Variants in AGMO observed in about 807,000 individuals in gnomAD.
AGMO encodes alkylglycerol monooxygenase, also known as glyceryl-ether monooxygenase.
In AGMO, 75 loss-of-function variants were observed where a neutral mutation model predicts 60.2. The observed-to-expected ratio is 1.25, with a 90% CI of 1.03 to 1.51. The LOEUF is 1.51. AGMO is among the 40% of genes most tolerant of loss of function. AGMO has a pLI of 0.00. For synonymous variants in AGMO, 261 were observed against 177.1 expected, an observed-to-expected ratio of 1.47 and a Z score of -3.76; for missense variants, 763 against 525.5, an observed-to-expected ratio of 1.45 and a Z score of -4.42.
chr7:15,148,555 T>C, the AGMO span, among the ~76,000 whole-genome samples: 2 of 152,180 alleles, frequency 1.3e-5, no homozygotes, highest in East Asian at 3.9e-4. Context: ...CAAGGTTTAG[T>C]TCCCACTTAT....
chr7:15,267,964 TTC>T (rs1283292035), intron 12 of AGMO, among the ~76,000 whole-genome samples: 2 of 151,916 alleles, frequency 1.3e-5, no homozygotes, highest in Non-Finnish European at 2.9e-5. Context: ...TAAATTAAAT[TTC>T]TTTGTTATCC....
chr7:15,370,359 A>AC (rs1783158808), intron 10 of AGMO, among the ~76,000 whole-genome samples: 2 of 152,226 alleles, frequency 1.3e-5, no homozygotes, highest in Non-Finnish European at 2.9e-5. Context: ...TGCTGCGATG[A>AC]ACATGAGTGC....
the AGMO span, among the ~76,000 whole-genome samples, chr7:15,159,378 T>C: frequency 1.2e-4 from 18 of 152,132 alleles, no homozygotes; most frequent in African/African-American, 3.4e-4. Context: ...AGTGCAGAGA[T>C]TGATTGCTTT....
chr7:15,541,100 T>A (rs1359774083), intron 3 of AGMO, among the ~76,000 whole-genome samples: 2 of 152,132 alleles, frequency 1.3e-5, no homozygotes, highest in Non-Finnish European at 2.9e-5. Context: ...GCCAGTTGTT[T>A]TTTTGTTTGT....
Position 15,263,184 on chromosome 7 carries a change from A to G in AGMO, c.1264-61825T>C, listed in dbSNP as rs145379571. 1.6e-4 allele frequency among the ~76,000 whole-genome samples: 24 copies of G among 152,266 alleles called. No homozygotes were observed. The East Asian group carries it at 4.6e-3, about 29-fold the overall frequency. On this transcript the variant is annotated intron_variant, in intron 12 of 12. Transcript: ENST00000342526. ...AAAATCTTCACAATCCATACACCTG[A>G]CAAAGATTTAATATCCAGAATCTAC...
intron 12 of AGMO, among the ~76,000 whole-genome samples, chr7:15,317,582 T>C (rs1175767110): frequency 6.6e-6 from 1 of 152,086 alleles, no homozygotes; most frequent in Non-Finnish European, 1.5e-5. Context: ...TTAAACACCT[T>C]TTAAATCCCC....
At chr7:15,498,775 T>C (rs1339330389) in intron 3 of AGMO, among the ~76,000 whole-genome samples, 1 of 151,994 alleles carries the variant, frequency 6.6e-6, no homozygotes, top group Non-Finnish European at 1.5e-5. Flanking sequence ...TTCTGTTTTA[T>C]TGTGTTTTCA....
At chr7:15,281,277 C>T (rs1783957450) in intron 12 of AGMO, among the ~76,000 whole-genome samples, 1 of 152,162 alleles carries the variant, frequency 6.6e-6, no homozygotes, top group Non-Finnish European at 1.5e-5. Context: ...GAGAAGGAGA[C>T]TTCTTTCTCC....
the AGMO span, among the ~76,000 whole-genome samples, chr7:15,184,481 G>C: frequency 1.3e-5 from 1 of 79,496 alleles, no homozygotes; most frequent in African/African-American, 5.1e-5. Context: ...GAAGGAAAAG[G>C]AGGGAGGGAA....
At chr7:15,443,519 A>G (rs1408080185) in intron 3 of AGMO, among the ~76,000 whole-genome samples, 1 of 152,154 alleles carries the variant, frequency 6.6e-6, no homozygotes, top group Non-Finnish European at 1.5e-5. Flanking sequence ...AATCCACTGC[A>G]TTGTCAGCAT....
intron 5 of AGMO, among the ~76,000 whole-genome samples, chr7:15,415,271 G>C (rs1780732486): frequency 6.6e-6 from 1 of 151,434 alleles, no homozygotes; most frequent in South Asian, 2.1e-4. Flanking sequence ...TAATTTTTTT[G>C]AACAGGCTCA....
At chr7:15,187,367 T>TA in the AGMO span, among the ~76,000 whole-genome samples, 1 of 152,142 alleles carries the variant, frequency 6.6e-6, no homozygotes, top group Non-Finnish European at 1.5e-5. Context: ...GACTCATAGA[T>TA]AAAAAAGGAA....
intron 12 of AGMO, among the ~76,000 whole-genome samples, chr7:15,212,885 G>C (rs73054552): frequency 0.028 from 4,190 of 151,904 alleles, 95 homozygotes; most frequent in Non-Finnish European, 0.043. Context: ...ATTTAAATAA[G>C]GTACATGAAA....
rs1782973874 is a variant in AGMO, at chr7:15,366,206, G to A, written c.1091C>T (p.Thr364Ile). ...AATGAAGCAAACCCTCAGAAGGAGA[G>A]TAACTTGCGACAGTGCCTGTCAAAC... The part of the protein sequence containing the change: ...FADTAALSQV[T>I]LLLRVCFIIL... The change falls in exon 11 of 13, where the codon ACT becomes ATT. Residue 364 changes from threonine (T) to isoleucine (I), a missense_variant. By Grantham distance (89) the Thr-to-Ile change is moderately conservative. Transcript: ENST00000342526. 1 of 1,606,436 alleles carries A rather than the reference G, an allele frequency of 6.2e-7. No homozygotes were observed. The highest frequency in any genetic ancestry group is 1.3e-5 in the African/African-American group (1 of 74,536).
Position 15,431,029 on chromosome 7 carries a change from A to C in AGMO, c.489T>G (p.Ser163=). The part of the protein sequence containing the change: ...DYNLSTALRQ[S]VLQIYTSWIF... ...CCCAGGAAGTATATATCTGGAGGACAGACTGTCTCAGTGCTGTGGATAAGT... is the reference window on the plus strand; with the variant it reads ...CCCAGGAAGTATATATCTGGAGGACCGACTGTCTCAGTGCTGTGGATAAGT... The change falls in exon 4 of 13, where the codon TCT becomes TCG. Residue 163 remains serine (S), a synonymous_variant. Transcript: ENST00000342526. 1 of 1,607,138 alleles carries C rather than the reference A, an allele frequency of 6.2e-7. No homozygotes were observed. Among genetic ancestry groups the C allele is most frequent in the South Asian group, 1.1e-5 (1 of 90,226 alleles).
At chr7:15,305,807 C>T (rs868479621) in intron 12 of AGMO, among the ~76,000 whole-genome samples, 6 of 152,012 alleles carry the variant, frequency 3.9e-5, no homozygotes, top group Middle Eastern at 6.8e-3. Flanking sequence ...GTGAACTGTA[C>T]TTGTTTTTCC....
intron 12 of AGMO, among the ~76,000 whole-genome samples, chr7:15,248,631 C>CT (rs1233730696): frequency 1.3e-5 from 2 of 152,094 alleles, no homozygotes; most frequent in Non-Finnish European, 1.5e-5. Context: ...ATGACACTTG[C>CT]TATAAACACT....
At chr7:15,316,313 T>C (rs1198056073) in intron 12 of AGMO, among the ~76,000 whole-genome samples, 3 of 152,158 alleles carry the variant, frequency 2.0e-5, no homozygotes, top group Admixed American at 1.3e-4. Flanking sequence ...GCAGCTGATG[T>C]AGGGCAATTG....
chr7:15,356,468 C>T (rs979254660), intron 12 of AGMO, among the ~76,000 whole-genome samples: 1 of 151,848 alleles, frequency 6.6e-6, no homozygotes, highest in African/African-American at 2.4e-5. Context: ...ATATAAGATA[C>T]CATTTTATTG....
Sources: gnomAD v4.1 joint callset for allele counts (sites outside exome capture counted in the v4.1 genomes callset) on GRCh38, gnomAD v4.1.1 for gene constraint, MANE v1.5 for transcripts, NCBI Gene and HGNC (gene_info 2026-07-23, HGNC 2026-07-21) for gene names.